Variants in JAZF1 observed in about 807,000 individuals in gnomAD.
JAZF1 encodes the protein juxtaposed with another zinc finger protein 1.
A neutral mutation model predicts 26.4 loss-of-function variants in JAZF1; 8 were observed. The ratio of observed to expected loss-of-function variants is 0.30; its 90% CI spans 0.18 to 0.55. The LOEUF (loss-of-function observed/expected upper bound fraction) is 0.55. Among genes scored for constraint, JAZF1 ranks in the 20% least tolerant of loss-of-function variants. The probability of loss-of-function intolerance (pLI) is 0.94; values close to 1 mark genes in which losing one functional copy is unlikely to be tolerated. For synonymous variants in JAZF1, 126 were observed against 122.3 expected, an observed-to-expected ratio of 1.03 and a Z score of -0.20; for missense variants, 199 against 322.0, an observed-to-expected ratio of 0.62 and a Z score of 2.92.
At chr7:27,939,396 G>A (rs984656225) in intron 2 of JAZF1, among the ~76,000 whole-genome samples, 3 of 152,210 alleles carry the variant, frequency 2.0e-5, no homozygotes, top group Admixed American at 2.0e-4. Flanking sequence ...CAGGACAGGA[G>A]GGAGGCCTTG....
At chr7:27,844,686 C>T (rs764879086) in intron 3 of JAZF1, 1 of 152,110 alleles carries the variant, frequency 6.6e-6, no homozygotes, top group South Asian at 2.1e-4. Flanking sequence ...TATCTTAATA[C>T]AGGAATAGTT....
intron 1 of JAZF1, among the ~76,000 whole-genome samples, chr7:28,111,491 T>C (rs923402845): frequency 2.0e-5 from 3 of 152,248 alleles, no homozygotes; most frequent in Admixed American, 2.0e-4. Context: ...AATATAAAAC[T>C]AGGCCTTTAT....
At chr7:27,934,148 G>A (rs1784728410) in intron 2 of JAZF1, among the ~76,000 whole-genome samples, 1 of 152,174 alleles carries the variant, frequency 6.6e-6, no homozygotes, top group Admixed American at 6.5e-5. Flanking sequence ...ATGCTCATTT[G>A]TTAGTCAGGG....
At chr7:27,939,808 C>T (rs1784816012) in intron 2 of JAZF1, among the ~76,000 whole-genome samples, 1 of 152,200 alleles carries the variant, frequency 6.6e-6, no homozygotes, top group Admixed American at 6.5e-5. Context: ...TGAGAAACCC[C>T]TTCAGAATTC....
chr7:27,980,488 C>CT (rs1199335186), intron 2 of JAZF1, among the ~76,000 whole-genome samples: 2 of 151,828 alleles, frequency 1.3e-5, no homozygotes, highest in Non-Finnish European at 2.9e-5. Context: ...GTGTTTTCTT[C>CT]TTTTTTTTAA....
intron 1 of JAZF1, among the ~76,000 whole-genome samples, chr7:28,112,715 C>T (rs1784681867): frequency 6.6e-6 from 1 of 152,092 alleles, no homozygotes; most frequent in African/African-American, 2.4e-5. Flanking sequence ...GGTGGGCCCG[C>T]CCAGGTTAGC....
chr7:28,108,171 T>C (rs1249096192), intron 1 of JAZF1, among the ~76,000 whole-genome samples: 1 of 152,228 alleles, frequency 6.6e-6, no homozygotes, highest in East Asian at 1.9e-4. Context: ...CAACAAGTAT[T>C]TCCTCAGCCC....
In JAZF1 at chr7:27,865,721, C is replaced by A. The variant is rs116306024; in HGVS notation, c.386-24854G>T. Among the ~76,000 whole-genome samples, 1,108 of 152,058 alleles carry A rather than the reference C, an allele frequency of 7.3e-3. 12 individuals are homozygous for A. Among genetic ancestry groups the A allele is most frequent in the African/African-American group, 0.022 (908 of 41,470 alleles). Reference sequence around the variant, plus strand: ...CCCCACCAGGAACCTGAAGTTTAACCGGGGAGCAGAGCTGTTGCCAATCCA... The same window carrying A: ...CCCCACCAGGAACCTGAAGTTTAACAGGGGAGCAGAGCTGTTGCCAATCCA... On this transcript the variant is annotated intron_variant, in intron 3 of 4. Coordinates refer to ENST00000283928, the MANE Select transcript of JAZF1 (RefSeq NM_175061.4).
intron 2 of JAZF1, among the ~76,000 whole-genome samples, chr7:27,918,792 A>C (rs1410241689): frequency 2.0e-5 from 3 of 152,220 alleles, no homozygotes; most frequent in African/African-American, 7.2e-5. Flanking sequence ...TTCCAAAATG[A>C]ATTAAGGAGA....
chr7:28,069,493 C>T (rs1783940768), intron 1 of JAZF1, among the ~76,000 whole-genome samples: 1 of 152,118 alleles, frequency 6.6e-6, no homozygotes, highest in Admixed American at 6.5e-5. Flanking sequence ...CTGCCTGCTC[C>T]CTAGCATTAA....
chr7:27,979,579 T>A (rs1039868999), intron 2 of JAZF1, among the ~76,000 whole-genome samples: 1 of 151,922 alleles, frequency 6.6e-6, no homozygotes, highest in African/African-American at 2.4e-5. Flanking sequence ...ATGTCAGTTA[T>A]CCATTTCTGG....
intron 1 of JAZF1, among the ~76,000 whole-genome samples, chr7:28,146,262 T>G (rs528804986): frequency 1.3e-5 from 2 of 152,320 alleles, no homozygotes; most frequent in African/African-American, 4.8e-5. Context: ...ACCTCTTGAC[T>G]GTAAAAGATT....
intron 1 of JAZF1, among the ~76,000 whole-genome samples, chr7:28,115,368 C>T (rs879606715): frequency 3.3e-5 from 5 of 152,090 alleles, no homozygotes; most frequent in Non-Finnish European, 7.4e-5. Context: ...TTTTTTCATA[C>T]TAAGTCTTCT....
chr7:28,023,982 C>T (rs1012858831), intron 1 of JAZF1, among the ~76,000 whole-genome samples: 45 of 151,858 alleles, frequency 3.0e-4, no homozygotes, highest in African/African-American at 9.9e-4. Flanking sequence ...AAGTCAGGAG[C>T]GGCAGTAAAA....
chr7:28,128,028 C>G (rs1036859856), intron 1 of JAZF1, among the ~76,000 whole-genome samples: 5 of 152,056 alleles, frequency 3.3e-5, no homozygotes, highest in Admixed American at 1.3e-4. Flanking sequence ...TTTCGGTGGC[C>G]TACCACTCAA....
intron 2 of JAZF1, among the ~76,000 whole-genome samples, chr7:27,919,712 C>T (rs758769024): frequency 9.2e-5 from 14 of 152,174 alleles, no homozygotes; most frequent in Non-Finnish European, 1.9e-4. Flanking sequence ...TGCTATTTGA[C>T]TACAGGAGTG....
intron 2 of JAZF1, among the ~76,000 whole-genome samples, chr7:27,961,337 C>T (rs890430617): frequency 2.0e-5 from 3 of 152,270 alleles, no homozygotes; most frequent in Non-Finnish European, 4.4e-5. Context: ...CTCTCTCCCA[C>T]GGACCCACGA....
intron 1 of JAZF1, among the ~76,000 whole-genome samples, chr7:28,168,905 G>A (rs1783411365): frequency 6.6e-6 from 1 of 152,204 alleles, no homozygotes; most frequent in Non-Finnish European, 1.5e-5. Context: ...AAACTCTGAA[G>A]GGCTAAGAAC....
chr7:28,159,271 C>T (rs1783240569), intron 1 of JAZF1, among the ~76,000 whole-genome samples: 1 of 151,620 alleles, frequency 6.6e-6, no homozygotes, highest in Admixed American at 6.6e-5. Flanking sequence ...GATGGGAACT[C>T]CCTGTACTAC....
Sources: allele counts gnomAD v4.1 joint callset (sites outside exome capture counted in the v4.1 genomes callset), GRCh38; gene constraint gnomAD v4.1.1; transcripts MANE v1.5; gene names NCBI Gene and HGNC (gene_info 2026-07-23, HGNC 2026-07-21).